Variants in PI4K2B observed in about 807,000 individuals in gnomAD.
PI4K2B encodes the protein phosphatidylinositol 4-kinase type 2-beta.
Under a neutral mutation model 56.6 loss-of-function variants are expected in PI4K2B, and 46 were observed. The ratio of observed to expected loss-of-function variants is 0.81; its 90% CI spans 0.64 to 1.04. PI4K2B has a LOEUF of 1.04. Among genes scored for constraint, PI4K2B ranks in the 50% least tolerant of loss-of-function variants. The pLI, the probability that PI4K2B is intolerant of heterozygous loss-of-function variation, is 0.00. For missense variants in PI4K2B, 556 were observed against 607.7 expected, an observed-to-expected ratio of 0.91 and a Z score of 0.89; for synonymous variants, 211 against 223.8, an observed-to-expected ratio of 0.94 and a Z score of 0.51.
At chr4:25,258,990 C>T in intron 4 of PI4K2B, 47 bp from the exon 5 acceptor site, 3 of 960,882 alleles carry the variant, frequency 3.1e-6, no homozygotes, top group South Asian at 1.6e-5. Context: ...ATATTAATCC[C>T]CTTGTTCTTG....
Position 25,267,383 on chromosome 4 carries a change from G to A in PI4K2B, c.1079-1060G>A, listed in dbSNP as rs970373268. Among the ~76,000 whole-genome samples, 3 of 152,362 alleles carry A rather than the reference G, an allele frequency of 2.0e-5. No individual in the cohort carries two copies. The South Asian group carries it at 6.2e-4, about 32-fold the overall frequency. On this transcript the variant is annotated intron_variant, in intron 7 of 9. Coordinates refer to ENST00000264864, the MANE Select transcript of PI4K2B (RefSeq NM_018323.4). ...ATGAAAAGTGACCTTCCTACTGTGTGCAATGAGATAGATCAAGAAGTGAGA... is the reference window on the plus strand; with the variant it reads ...ATGAAAAGTGACCTTCCTACTGTGTACAATGAGATAGATCAAGAAGTGAGA...
Position 25,261,630 on chromosome 4 carries a change from T to C in PI4K2B, c.978+1039T>C, listed in dbSNP as rs188274711. On this transcript the variant is annotated intron_variant, in intron 6 of 9. Coordinates refer to ENST00000264864, the MANE Select transcript of PI4K2B (RefSeq NM_018323.4). ...TATCAAGGATATTTAAAAATACATA[T>C]TCGTAGCACTTAGCAATAAAAAGGA... 5.9e-5 allele frequency among the ~76,000 whole-genome samples: 9 copies of C among 152,324 alleles called. No individual in the cohort carries two copies. The East Asian group carries it at 1.5e-3, about 26-fold the overall frequency.
rs1317414663 is a variant in PI4K2B at position 25,247,592 on chromosome 4, A to G, written c.269-4729A>G. Among the ~76,000 whole-genome samples, 3 of 152,308 alleles carry G rather than the reference A, an allele frequency of 2.0e-5. No homozygotes were observed. In the East Asian group the frequency reaches 5.8e-4, roughly 29 times the overall value. ...ATTGAGGCATGGAGCCATGCCCTAG[A>G]TGTAGGGGCCAGGGAAGACTTAGAG... is the stretch of plus-strand genomic sequence containing the variant. On this transcript the variant is annotated intron_variant, in intron 1 of 9. Transcript: ENST00000264864.
At chr4:25,264,204 C>G (rs1465375164) in intron 7 of PI4K2B, among the ~76,000 whole-genome samples, 1 of 152,188 alleles carries the variant, frequency 6.6e-6, no homozygotes, top group African/African-American at 2.4e-5. Context: ...TAGGCCTGCC[C>G]TCCACCTGAC....
At chr4:25,246,961 C>A (rs561893026) in intron 1 of PI4K2B, among the ~76,000 whole-genome samples, 1 of 152,244 alleles carries the variant, frequency 6.6e-6, no homozygotes, top group South Asian at 2.1e-4. Flanking sequence ...GGCCTGCAAG[C>A]GCCGCATGCA....
intron 2 of PI4K2B, among the ~76,000 whole-genome samples, chr4:25,254,051 C>T (rs200970117): frequency 6.6e-6 from 1 of 152,090 alleles, no homozygotes; most frequent in African/African-American, 2.4e-5. Flanking sequence ...TGAGCCACAG[C>T]GCCTGGCCAA....
chr4:25,241,992 G>A (rs1192451073), intron 1 of PI4K2B, among the ~76,000 whole-genome samples: 1 of 152,118 alleles, frequency 6.6e-6, no homozygotes, highest in African/African-American at 2.4e-5. Flanking sequence ...TGGCTATCTC[G>A]CTGTATCCAG....
intron 2 of PI4K2B, among the ~76,000 whole-genome samples, chr4:25,253,645 A>T (rs907072889): frequency 2.0e-5 from 3 of 152,228 alleles, no homozygotes; most frequent in Non-Finnish European, 4.4e-5. Context: ...AAATTATAAT[A>T]AGATTTGTTC....
intron 9 of PI4K2B, among the ~76,000 whole-genome samples, chr4:25,275,851 C>G (rs1717073340): frequency 6.6e-6 from 1 of 152,072 alleles, no homozygotes; most frequent in Non-Finnish European, 1.5e-5. Flanking sequence ...CACCTGTAAT[C>G]TCAGCACTTT....
intron 2 of PI4K2B, 67 bp downstream of exon 2, chr4:25,252,542 C>A: frequency 2.0e-6 from 2 of 979,910 alleles, no homozygotes; most frequent in Non-Finnish European, 3.2e-6. Flanking sequence ...AATATGAAAT[C>A]ATTGTGAGTT....
intron 1 of PI4K2B, 139 bp from the exon 2 acceptor site, chr4:25,252,182 G>T: frequency 3.5e-6 from 2 of 566,940 alleles, no homozygotes; most frequent in Non-Finnish European, 3.1e-6. Flanking sequence ...TTAGGCAGTG[G>T]GGGGAAGGAG....
intron 1 of PI4K2B, among the ~76,000 whole-genome samples, chr4:25,250,224 G>C (rs1317145400): frequency 1.3e-5 from 2 of 152,110 alleles, no homozygotes; most frequent in African/African-American, 4.8e-5. Flanking sequence ...AAGAGGGAGA[G>C]GGGAGAGGGG....
At position 25,234,198 on chromosome 4, in the gene PI4K2B, C is replaced by A; in HGVS notation, c.35C>A (p.Ser12Tyr). Residue 12 changes from serine to tyrosine, a missense_variant, in exon 1 of 10, where the codon TCC becomes TAC. Coordinates refer to ENST00000264864, the MANE Select transcript of PI4K2B (RefSeq NM_018323.4). ...EDPSEPDRLA[S>Y]ADGGSPEEEE... ...CCCTCCGAGCCCGACCGGTTGGCGT[C>A]CGCGGACGGCGGGAGCCCGGAGGAG... 1 of 1,404,232 alleles carries A rather than the reference C, an allele frequency of 7.1e-7. No homozygotes were observed. Among genetic ancestry groups the A allele is most frequent in the Non-Finnish European group, 9.3e-7 (1 of 1,078,564 alleles). The allele number at this position is 1,404,232 out of a possible 1,614,324, so 87.0% of individuals were successfully genotyped here. A position where few individuals can be genotyped will look rare whatever the true frequency, so the allele number is the denominator to read the frequency against.
rs752373432 is a variant in PI4K2B, at chr4:25,234,183, C to G, written c.20C>G (p.Pro7Arg). The change falls in exon 1 of 10, where the codon CCC (proline) becomes CGC (arginine). Residue 7 changes from proline (P) to arginine (R), a missense_variant. Coordinates refer to ENST00000264864, the MANE Select transcript of PI4K2B (RefSeq NM_018323.4). MEDPSEPDRLASADGGS... is the reference protein window; with the variant it reads MEDPSERDRLASADGGS... ...GAGTCCATGGAGGATCCCTCCGAGC[C>G]CGACCGGTTGGCGTCCGCGGACGGC... 7.8e-6 allele frequency: 11 copies of G among 1,401,632 alleles called. No individual in the cohort carries two copies. The East Asian group carries it at 3.3e-4, about 42-fold the overall frequency. 86.8% of individuals were successfully genotyped at this position (1,401,632 alleles called of 1,614,324 possible). A position where few individuals can be genotyped will look rare whatever the true frequency, so the allele number is the denominator to read the frequency against.
chr4:25,247,191 A>G (rs576263948), intron 1 of PI4K2B, among the ~76,000 whole-genome samples: 1 of 152,224 alleles, frequency 6.6e-6, no homozygotes, highest in Non-Finnish European at 1.5e-5. Flanking sequence ...TGTCTTATCT[A>G]GGTTCAACAT....
At chr4:25,259,756 T>TG in intron 5 of PI4K2B, among the ~76,000 whole-genome samples, 1 of 151,942 alleles carries the variant, frequency 6.6e-6, no homozygotes, top group East Asian at 1.9e-4. Flanking sequence ...AGTTTACAAA[T>TG]TTTTGTTGGG....
chr4:25,264,745 C>A (rs1169331306), intron 7 of PI4K2B, among the ~76,000 whole-genome samples: 1 of 151,758 alleles, frequency 6.6e-6, no homozygotes, highest in Non-Finnish European at 1.5e-5. Context: ...GTGGCCGATG[C>A]CTGTAGTCCT....
chr4:25,249,519 G>T (rs1271940345), intron 1 of PI4K2B, among the ~76,000 whole-genome samples: 2 of 147,242 alleles, frequency 1.4e-5, no homozygotes, highest in African/African-American at 2.5e-5. Context: ...CTGCCGGGCG[G>T]AGGGGCTCCT....
At chr4:25,260,102 C>T (rs1044306746) in intron 5 of PI4K2B, among the ~76,000 whole-genome samples, 10 of 152,134 alleles carry the variant, frequency 6.6e-5, no homozygotes, top group African/African-American at 2.4e-4. Context: ...TCTTAATTTA[C>T]ATATATATGT....
Sources: gnomAD v4.1 joint callset for allele counts (sites outside exome capture counted in the v4.1 genomes callset) on GRCh38, gnomAD v4.1.1 for gene constraint, MANE v1.5 for transcripts, NCBI Gene and HGNC (gene_info 2026-07-23, HGNC 2026-07-21) for gene names.